The following EPHA6 variants were observed in gnomAD, a reference collection of about 807,000 sequenced individuals.
EPHA6 encodes ephrin type-A receptor 6.
In EPHA6, 50 loss-of-function variants were observed where a neutral mutation model predicts 112.0. The ratio of observed to expected loss-of-function variants is 0.45; its 90% CI spans 0.36 to 0.56. The LOEUF is 0.56. Ranked by LOEUF, EPHA6 falls within the 20% of genes least tolerant of loss-of-function variation. EPHA6 has a pLI of 0.00. For synonymous variants in EPHA6, 529 were observed against 490.7 expected (o/e 1.08, Z -1.03); for missense variants, 1,280 against 1,417.4 (o/e 0.90, Z 1.56).
intron 5 of EPHA6, among the ~76,000 whole-genome samples, chr3:97,375,771 T>C (rs114941640): frequency 5.3e-4 from 80 of 152,226 alleles, no homozygotes; most frequent in African/African-American, 1.9e-3. Flanking sequence ...GACTAATACA[T>C]GCCCCAACAT....
intron 2 of EPHA6, among the ~76,000 whole-genome samples, chr3:96,929,308 A>T (rs1441593160): frequency 6.6e-6 from 1 of 152,230 alleles, no homozygotes; most frequent in African/African-American, 2.4e-5. Flanking sequence ...AGACTTGTTT[A>T]CATGGTTGCT....
At chr3:97,548,901 T>A (rs188684353) in intron 11 of EPHA6, among the ~76,000 whole-genome samples, 7 of 152,296 alleles carry the variant, frequency 4.6e-5, no homozygotes, top group Non-Finnish European at 8.8e-5. Flanking sequence ...CATACGAAGG[T>A]GAAGCCATCG....
rs1463041378 is a variant in EPHA6, at chr3:97,327,180, G to A, written c.1607-77970G>A. Among the ~76,000 whole-genome samples the A allele has an allele frequency of 3.3e-5, 5 of 151,942 alleles. No homozygotes were observed. In the South Asian group the frequency reaches 1.0e-3, roughly 32 times the overall value. On this transcript the variant is annotated intron_variant, in intron 5 of 17. Transcript: ENST00000389672. ...AGTGATAAACAGTAAATTACATTAT[G>A]AAATATAAAAGTACTTTATAATGCA...
chr3:96,875,894 G>A (rs2036914828), intron 2 of EPHA6, among the ~76,000 whole-genome samples: 1 of 149,842 alleles, frequency 6.7e-6, no homozygotes, highest in African/African-American at 2.4e-5. Flanking sequence ...TTTAACTTCA[G>A]TCTTTACTTC....
At chr3:96,940,549 C>T (rs371370937) in intron 2 of EPHA6, among the ~76,000 whole-genome samples, 1 of 151,998 alleles carries the variant, frequency 6.6e-6, no homozygotes, top group Non-Finnish European at 1.5e-5. Context: ...TGACTCTTTA[C>T]CCAATTTTCC....
intron 1 of EPHA6, among the ~76,000 whole-genome samples, chr3:96,821,117 G>A (rs1322911277): frequency 2.0e-5 from 3 of 151,888 alleles, no homozygotes; most frequent in Admixed American, 1.3e-4. Context: ...GATGGAGTGA[G>A]GGAAGAAACT....
At chr3:96,959,023 A>G (rs764924440) in intron 2 of EPHA6, among the ~76,000 whole-genome samples, 19 of 152,162 alleles carry the variant, frequency 1.2e-4, no homozygotes, top group Non-Finnish European at 2.8e-4. Flanking sequence ...TTGAGTATAT[A>G]CCTAAGAATG....
intron 14 of EPHA6, among the ~76,000 whole-genome samples, chr3:97,647,917 A>G (rs1434253727): frequency 6.6e-6 from 1 of 152,188 alleles, no homozygotes; most frequent in Non-Finnish European, 1.5e-5. Flanking sequence ...AAAGAACATT[A>G]AAAGATATAT....
At chr3:97,054,254 A>T (rs2045780564) in intron 3 of EPHA6, among the ~76,000 whole-genome samples, 1 of 152,118 alleles carries the variant, frequency 6.6e-6, no homozygotes, top group Non-Finnish European at 1.5e-5. Context: ...AGATTTACAA[A>T]TTTAATATTT....
Position 97,678,284 on chromosome 3 carries a change from T to C in EPHA6, c.2784+40202T>C, listed in dbSNP as rs575044401. On this transcript the variant is annotated intron_variant, in intron 14 of 17. Transcript: ENST00000389672. Reference sequence around the variant, plus strand: ...GACATGAAAATTGTGCAGAGGAAGATGTGTTCTCAAAGAAAACTTCATTTT... The same window carrying C: ...GACATGAAAATTGTGCAGAGGAAGACGTGTTCTCAAAGAAAACTTCATTTT... 5.9e-5 allele frequency among the ~76,000 whole-genome samples: 9 copies of C among 152,266 alleles called. No individual in the cohort carries two copies. In the South Asian group the frequency reaches 1.5e-3, roughly 25 times the overall value.
intron 5 of EPHA6, among the ~76,000 whole-genome samples, chr3:97,247,983 A>G (rs1176782493): frequency 6.6e-6 from 1 of 152,004 alleles, no homozygotes; most frequent in Non-Finnish European, 1.5e-5. Flanking sequence ...TTTTTCTTTC[A>G]TGTAGTTGAC....
In EPHA6 at chr3:97,610,839, A is replaced by C. The variant is rs749324397; in HGVS notation, c.2559A>C (p.Leu853=). 2.9e-5 allele frequency: 47 copies of C among 1,611,430 alleles called. No homozygotes were observed. The African/African-American group carries it at 5.9e-4, about 20-fold the overall frequency. ...TGGAATATATGGAGAATGGATCCCT[A>C]GACTCCTTTTTGCGGGTGAGGTGTT... ...IVVEYMENGS[L]DSFLRKHDGH... Residue 853 remains leucine, a synonymous_variant, in exon 13 of 18, where the codon CTA becomes CTC. Coordinates refer to ENST00000389672, the MANE Select transcript of EPHA6 (RefSeq NM_001080448.3).
At chr3:97,642,515 C>T (rs569223595) in intron 14 of EPHA6, among the ~76,000 whole-genome samples, 26 of 146,030 alleles carry the variant, frequency 1.8e-4, no homozygotes, top group South Asian at 6.7e-4. Flanking sequence ...ACATTCAAAC[C>T]AAAGGCAAAG....
intron 11 of EPHA6, among the ~76,000 whole-genome samples, chr3:97,548,812 A>G (rs1355892250): frequency 1.3e-5 from 2 of 152,192 alleles, no homozygotes; most frequent in Non-Finnish European, 2.9e-5. Context: ...AAACTTGTAT[A>G]AACAATCACA....
chr3:97,033,518 A>G (rs1292184993), intron 3 of EPHA6, among the ~76,000 whole-genome samples: 1 of 152,008 alleles, frequency 6.6e-6, no homozygotes, highest in Non-Finnish European at 1.5e-5. Flanking sequence ...CTAGTGAGCA[A>G]ACAAATGAAA....
At chr3:97,429,937 G>T (rs1280574588) in intron 6 of EPHA6, among the ~76,000 whole-genome samples, 1 of 152,172 alleles carries the variant, frequency 6.6e-6, no homozygotes, top group South Asian at 2.1e-4. Flanking sequence ...TCAGAGTCTT[G>T]TTACCATGAG....
chr3:97,475,223 C>T (rs2091334888), intron 7 of EPHA6, 129 bp from the exon 8 acceptor site: 2 of 668,750 alleles, frequency 3.0e-6, no homozygotes, highest in Non-Finnish European at 5.0e-6. Context: ...GTGTCAAATA[C>T]TGAAATAAAG....
chr3:96,844,485 C>T (rs1330797505), intron 1 of EPHA6, among the ~76,000 whole-genome samples: 1 of 152,004 alleles, frequency 6.6e-6, no homozygotes, highest in Non-Finnish European at 1.5e-5. Flanking sequence ...TTCACTGCTT[C>T]CACCTCTCAA....
At chr3:97,165,729 T>A (rs2076526318) in intron 3 of EPHA6, among the ~76,000 whole-genome samples, 1 of 152,148 alleles carries the variant, frequency 6.6e-6, no homozygotes, top group Admixed American at 6.6e-5. Flanking sequence ...AGCACCACTG[T>A]GTAGGAAAAA....
Sources: gnomAD v4.1 joint callset for allele counts (sites outside exome capture counted in the v4.1 genomes callset) on GRCh38, gnomAD v4.1.1 for gene constraint, MANE v1.5 for transcripts, NCBI Gene and HGNC (gene_info 2026-07-23, HGNC 2026-07-21) for gene names.